Variants in RAD51B observed in about 807,000 individuals in gnomAD.
RAD51B encodes the protein DNA repair protein RAD51 homolog 2.
RAD51B carries 38 observed loss-of-function variants against 42.2 expected under a neutral mutation model. The ratio of observed to expected loss-of-function variants is 0.90; its 90% CI spans 0.70 to 1.18. The LOEUF is 1.18. Among genes scored for constraint, RAD51B ranks in the 50% most tolerant of loss-of-function variants. The probability of loss-of-function intolerance (pLI) is 0.00; values close to 1 mark genes in which losing one functional copy is unlikely to be tolerated. For missense variants in RAD51B, 373 were observed against 400.7 expected (o/e 0.93, Z 0.59); for synonymous variants, 154 against 145.2 (o/e 1.06, Z -0.43).
At chr14:68,056,625 T>C (rs1039152699) in intron 7 of RAD51B, among the ~76,000 whole-genome samples, 2 of 151,836 alleles carry the variant, frequency 1.3e-5, no homozygotes, top group African/African-American at 4.8e-5. Flanking sequence ...GATGTGTGCC[T>C]GTAGTCCCAG....
At chr14:68,619,696 G>A (rs1049808909) in intron 10 of RAD51B, among the ~76,000 whole-genome samples, 22 of 152,080 alleles carry the variant, frequency 1.4e-4, no homozygotes, top group Non-Finnish European at 2.8e-4. Context: ...AAGACATTAG[G>A]CCACAACGAA....
At chr14:68,002,229 A>G (rs1278871575) in intron 7 of RAD51B, among the ~76,000 whole-genome samples, 1 of 152,106 alleles carries the variant, frequency 6.6e-6, no homozygotes, top group East Asian at 1.9e-4. Flanking sequence ...ACTTTTTAAT[A>G]ATAGTCATTC....
chr14:68,428,126 ATACAGGAC>A (rs1231914791), intron 9 of RAD51B, among the ~76,000 whole-genome samples: 5 of 152,228 alleles, frequency 3.3e-5, no homozygotes, highest in Admixed American at 1.3e-4. Context: ...ACTTTCCAGC[ATACAGGAC>A]TATGAGAAAT....
intron 9 of RAD51B, among the ~76,000 whole-genome samples, chr14:68,419,262 C>T (rs1246389925): frequency 6.6e-6 from 1 of 152,110 alleles, no homozygotes; most frequent in African/African-American, 2.4e-5. Context: ...TCAATTCTTT[C>T]AATTCTGAAT....
At chr14:68,470,754 T>C (rs1316667206) in intron 10 of RAD51B, 2 of 424,540 alleles carry the variant, frequency 4.7e-6, no homozygotes, top group Non-Finnish European at 8.9e-6. Flanking sequence ...ACATTATGAG[T>C]TTGTGTGGGG....
intron 8 of RAD51B, among the ~76,000 whole-genome samples, chr14:68,371,389 A>G (rs906319270): frequency 1.3e-5 from 2 of 152,148 alleles, no homozygotes; most frequent in East Asian, 1.9e-4. Flanking sequence ...GTGGTGGTGC[A>G]TGCCTGTAGT....
intron 7 of RAD51B, among the ~76,000 whole-genome samples, chr14:68,224,799 A>G (rs947070187): frequency 6.6e-6 from 1 of 151,980 alleles, no homozygotes; most frequent in African/African-American, 2.4e-5. Flanking sequence ...GGCTCAAGCA[A>G]TTCTCTGCCT....
chr14:68,360,382 C>T (rs2082998762), intron 8 of RAD51B, among the ~76,000 whole-genome samples: 1 of 152,226 alleles, frequency 6.6e-6, no homozygotes, highest in African/African-American at 2.4e-5. Flanking sequence ...ATCTTATCAT[C>T]GTTATTTCTG....
chr14:68,157,702 T>G (rs1595485479), intron 7 of RAD51B, among the ~76,000 whole-genome samples: 1 of 152,228 alleles, frequency 6.6e-6, no homozygotes, highest in Admixed American at 6.5e-5. Flanking sequence ...ACATCCTGAA[T>G]AAAAACAATA....
At chr14:68,324,094 C>A (rs1312922531) in intron 8 of RAD51B, among the ~76,000 whole-genome samples, 1 of 152,186 alleles carries the variant, frequency 6.6e-6, no homozygotes, top group East Asian at 1.9e-4. Context: ...AAGCCACACT[C>A]ACAGGTGTAC....
intron 10 of RAD51B, among the ~76,000 whole-genome samples, chr14:68,566,604 C>G (rs1889431541): frequency 6.6e-6 from 1 of 152,192 alleles, no homozygotes; most frequent in South Asian, 2.1e-4. Context: ...TTCTACAGCT[C>G]TGTTCATGGA....
chr14:67,929,859 A>G lies in RAD51B; in HGVS notation c.756+42655A>G, dbSNP rs144551031. 8.9e-3 allele frequency among the ~76,000 whole-genome samples: 1,333 copies of G among 149,850 alleles called. 21 individuals carry two copies. Among genetic ancestry groups the G allele is most frequent in the African/African-American group, 0.031 (1,255 of 40,666 alleles). Reference sequence around the variant, plus strand: ...GAAATGGGGTCTCAATATGTTTTCTAGGCTAGTCTTGAGCTCCTGGCCTCA... The same window carrying G: ...GAAATGGGGTCTCAATATGTTTTCTGGGCTAGTCTTGAGCTCCTGGCCTCA... On this transcript the variant is annotated intron_variant, in intron 7 of 10. Coordinates refer to ENST00000471583, the MANE Select transcript of RAD51B (RefSeq NM_133510.4).
chr14:68,078,645 T>G (rs1380014489), intron 7 of RAD51B, among the ~76,000 whole-genome samples: 1 of 152,180 alleles, frequency 6.6e-6, no homozygotes, highest in Non-Finnish European at 1.5e-5. Context: ...AGATATTTGA[T>G]TTCTATTAAT....
intron 8 of RAD51B, among the ~76,000 whole-genome samples, chr14:68,359,335 C>T (rs2082971967): frequency 6.6e-6 from 1 of 152,124 alleles, no homozygotes; most frequent in African/African-American, 2.4e-5. Context: ...GTCTCCCTTT[C>T]TGGGTGATTG....
At chr14:68,588,194 C>G (rs538904469) in intron 10 of RAD51B, among the ~76,000 whole-genome samples, 2 of 152,212 alleles carry the variant, frequency 1.3e-5, no homozygotes, top group South Asian at 2.1e-4. Context: ...AGCTCCCTCT[C>G]TGAGCTTCAG....
chr14:68,275,794 CCACACACACACACACACA>C (rs10641411), intron 7 of RAD51B, among the ~76,000 whole-genome samples: 9 of 141,374 alleles, frequency 6.4e-5, no homozygotes, highest in East Asian at 2.2e-4. Context: ...AACTAGCTCT[CCACACACACACACACACA>C]CACACACACA....
chr14:68,200,726 T>C (rs2079467114), intron 7 of RAD51B, among the ~76,000 whole-genome samples: 1 of 152,140 alleles, frequency 6.6e-6, no homozygotes, highest in Non-Finnish European at 1.5e-5. Context: ...TGATCACGGC[T>C]CACTGTAGCC....
At chr14:68,328,187 G>A (rs1173633889) in intron 8 of RAD51B, among the ~76,000 whole-genome samples, 1 of 152,106 alleles carries the variant, frequency 6.6e-6, no homozygotes, top group African/African-American at 2.4e-5. Flanking sequence ...ACAAAGAAAT[G>A]CTCATTACAG....
At position 67,899,569 on chromosome 14, in the gene RAD51B, G is replaced by A. The variant is rs1205604897; in HGVS notation, c.756+12365G>A. On this transcript the variant is annotated intron_variant, in intron 7 of 10. Coordinates refer to ENST00000471583, the MANE Select transcript of RAD51B (RefSeq NM_133510.4). ...ATTAAATTTTGATTATAAACATTTG[G>A]GCTTTGAAGTCCCTTTTAAGATCAG... Among the ~76,000 whole-genome samples the A allele has an allele frequency of 3.3e-5, 5 of 152,178 alleles. No homozygotes were observed. The East Asian group carries it at 7.7e-4, about 23-fold the overall frequency.
Sources: allele counts gnomAD v4.1 joint callset (sites outside exome capture counted in the v4.1 genomes callset), GRCh38; gene constraint gnomAD v4.1.1; transcripts MANE v1.5; gene names NCBI Gene and HGNC (gene_info 2026-07-23, HGNC 2026-07-21).